The following NR3C2 variants were observed in gnomAD, a reference collection of about 807,000 sequenced individuals.
NR3C2 encodes the protein mineralocorticoid receptor.
Under a neutral mutation model 86.4 loss-of-function variants are expected in NR3C2, and 15 were observed. The observed-to-expected ratio is 0.17, with a 90% CI of 0.12 to 0.27. The LOEUF (loss-of-function observed/expected upper bound fraction) is 0.27. NR3C2 is among the 10% of genes least tolerant of loss of function. The probability of loss-of-function intolerance (pLI) is 1.00; values close to 1 mark genes in which losing one functional copy is unlikely to be tolerated. For synonymous variants in NR3C2, 458 were observed against 450.5 expected, an observed-to-expected ratio of 1.02 and a Z score of -0.21; for missense variants, 960 against 1,195.6, an observed-to-expected ratio of 0.80 and a Z score of 2.91.
intron 4 of NR3C2, among the ~76,000 whole-genome samples, chr4:148,158,424 C>T (rs553139848): frequency 1.3e-5 from 2 of 152,348 alleles, no homozygotes; most frequent in Admixed American, 6.5e-5. Context: ...ATGTCTCCCT[C>T]TCTTATCTCT....
At chr4:148,184,292 TAC>T (rs976299498) in intron 4 of NR3C2, among the ~76,000 whole-genome samples, 1 of 79,170 alleles carries the variant, frequency 1.3e-5, no homozygotes, top group Non-Finnish European at 3.2e-5. Context: ...CTACTAAAAA[TAC>T]AAAAAAAAAA....
chr4:148,414,210 C>A, intron 2 of NR3C2, among the ~76,000 whole-genome samples: 1 of 152,206 alleles, frequency 6.6e-6, no homozygotes, highest in East Asian at 1.9e-4. Context: ...GCTAAATATA[C>A]GCATACACCT....
intron 4 of NR3C2, among the ~76,000 whole-genome samples, chr4:148,166,128 T>A (rs1016378175): frequency 6.6e-6 from 1 of 152,216 alleles, no homozygotes. Context: ...AAAAAGTTAT[T>A]TTTCTAGGCT....
At chr4:148,126,480 A>G (rs1732752508) in intron 6 of NR3C2, among the ~76,000 whole-genome samples, 1 of 152,188 alleles carries the variant, frequency 6.6e-6, no homozygotes, top group Non-Finnish European at 1.5e-5. Flanking sequence ...AAATCTAGGG[A>G]AAAACCAGAG....
chr4:148,301,001 C>G (rs1742313091), intron 2 of NR3C2, among the ~76,000 whole-genome samples: 2 of 152,222 alleles, frequency 1.3e-5, no homozygotes, highest in African/African-American at 2.4e-5. Context: ...CTCATGGAGC[C>G]CCAGAAATTA....
At chr4:148,081,541 T>G in intron 8 of NR3C2, 42 bp from the exon 9 acceptor site, 1 of 1,611,372 alleles carries the variant, frequency 6.2e-7, no homozygotes, top group Non-Finnish European at 8.5e-7. Context: ...GGGCCTCCTT[T>G]CCGACCCTGG....
At chr4:148,088,725 G>T (rs1177368310) in intron 8 of NR3C2, among the ~76,000 whole-genome samples, 4 of 151,304 alleles carry the variant, frequency 2.6e-5, no homozygotes, top group African/African-American at 4.9e-5. Flanking sequence ...AGGGTGGGGG[G>T]CTAGGGGAGG....
chr4:148,292,717 A>C (rs192334875), intron 2 of NR3C2, among the ~76,000 whole-genome samples: 15 of 152,234 alleles, frequency 9.9e-5, no homozygotes, highest in Admixed American at 8.5e-4. Flanking sequence ...TAAAAAAGTC[A>C]AACAGCAAGG....
chr4:148,335,505 A>C (rs1744435002), intron 2 of NR3C2, among the ~76,000 whole-genome samples: 1 of 152,214 alleles, frequency 6.6e-6, no homozygotes, highest in Non-Finnish European at 1.5e-5. Context: ...GTCTGGACAC[A>C]ACAGCAGCCA....
chr4:148,106,424 A>T (rs529700135), intron 8 of NR3C2, among the ~76,000 whole-genome samples: 16 of 152,326 alleles, frequency 1.1e-4, no homozygotes, highest in Non-Finnish European at 2.2e-4. Context: ...ATATTGTGAA[A>T]ATGGCCATAC....
chr4:148,442,660 A>G (rs1750411516), upstream of NR3C2: 9 of 985,324 alleles, frequency 9.1e-6, no homozygotes, highest in African/African-American at 8.7e-5. Flanking sequence ...GCTGTCAGTC[A>G]CCAGGCGGGC....
intron 2 of NR3C2, among the ~76,000 whole-genome samples, chr4:148,357,260 T>C (rs1249799034): frequency 1.3e-5 from 2 of 152,144 alleles, no homozygotes; most frequent in Admixed American, 6.5e-5. Flanking sequence ...AAGTCTTCAT[T>C]TACAAACCTT....
chr4:148,378,937 G>T (rs1746816409), intron 2 of NR3C2, among the ~76,000 whole-genome samples: 1 of 152,102 alleles, frequency 6.6e-6, no homozygotes, highest in Non-Finnish European at 1.5e-5. Context: ...ACAAAATTGT[G>T]TTCAAATAAT....
chr4:148,210,123 A>G (rs1299663409), intron 3 of NR3C2, among the ~76,000 whole-genome samples: 1 of 152,078 alleles, frequency 6.6e-6, no homozygotes, highest in East Asian at 1.9e-4. Flanking sequence ...TGCTAATGAG[A>G]ATAAAGGTGG....
intron 2 of NR3C2, among the ~76,000 whole-genome samples, chr4:148,319,695 T>C (rs1044442665): frequency 1.4e-4 from 21 of 151,224 alleles, no homozygotes; most frequent in Middle Eastern, 3.4e-3. Flanking sequence ...TGTTGGTGTA[T>C]AAGAATGCTT....
chr4:148,115,196 A>T (rs1732220008), intron 7 of NR3C2, among the ~76,000 whole-genome samples: 1 of 152,192 alleles, frequency 6.6e-6, no homozygotes, highest in African/African-American at 2.4e-5. Context: ...CGTATGTTTT[A>T]AAAAAATTCA....
chr4:148,097,161 G>A (rs1466554220), intron 8 of NR3C2, among the ~76,000 whole-genome samples: 5 of 152,136 alleles, frequency 3.3e-5, no homozygotes. Context: ...ATGGGCATAA[G>A]GCTAGGTAAC....
At chr4:148,300,986 T>G (rs1742312442) in intron 2 of NR3C2, among the ~76,000 whole-genome samples, 1 of 152,170 alleles carries the variant, frequency 6.6e-6, no homozygotes, top group Admixed American at 6.5e-5. Context: ...GAGAGACCTG[T>G]TTTCCTCATG....
rs891890637 is a variant in NR3C2 at position 148,304,836 on chromosome 4, C to T, written c.1758-44719G>A. 9.2e-5 allele frequency among the ~76,000 whole-genome samples: 14 copies of T among 151,592 alleles called. No homozygotes were observed. The East Asian group carries it at 2.5e-3, about 27-fold the overall frequency. On this transcript the variant is annotated intron_variant, in intron 2 of 8. Coordinates refer to ENST00000358102, the MANE Select transcript of NR3C2 (RefSeq NM_000901.5). ...GCAGTGGGGAGGAGTCTGGCCTCTTCAGCTCCTGTGTGGTGGCCTGGTATT... is the reference window on the plus strand; with the variant it reads ...GCAGTGGGGAGGAGTCTGGCCTCTTTAGCTCCTGTGTGGTGGCCTGGTATT...
Sources: allele counts gnomAD v4.1 joint callset (sites outside exome capture counted in the v4.1 genomes callset), GRCh38; gene constraint gnomAD v4.1.1; transcripts MANE v1.5; gene names NCBI Gene and HGNC (gene_info 2026-07-23, HGNC 2026-07-21).